HYDIN: variants seen among roughly 807,000 people sequenced by gnomAD.
The protein encoded by HYDIN is HYDIN axonemal central pair apparatus protein.
Under a neutral mutation model 403.9 loss-of-function variants are expected in HYDIN, and 132 were observed. The observed-to-expected ratio is 0.33, with a 90% CI of 0.28 to 0.38. HYDIN has a LOEUF of 0.38. Among genes scored for constraint, HYDIN ranks in the 10% least tolerant of loss-of-function variants. The pLI, the probability that HYDIN is intolerant of heterozygous loss-of-function variation, is 1.00. For missense variants in HYDIN, 2,827 were observed against 5,009.5 expected, an observed-to-expected ratio of 0.56 and a Z score of 13.15; for synonymous variants, 1,202 against 1,891.7, an observed-to-expected ratio of 0.64 and a Z score of 9.46.
At chr16:71,150,679 A>T (rs963752771) in intron 7 of HYDIN, among the ~76,000 whole-genome samples, 5 of 151,964 alleles carry the variant, frequency 3.3e-5, no homozygotes, top group African/African-American at 1.2e-4. Flanking sequence ...AAAAAGTGTT[A>T]ATCTTGTAAG....
chr16:70,817,515 T>G (rs1325144785), intron 84 of HYDIN: 1 of 151,884 alleles, frequency 6.6e-6, no homozygotes, highest in Admixed American at 6.6e-5. Flanking sequence ...CAGAAGAGAG[T>G]TGATAGAATC....
intron 5 of HYDIN, among the ~76,000 whole-genome samples, chr16:71,164,990 T>C (rs4788782): frequency 1.4e-3 from 208 of 152,304 alleles, no homozygotes; most frequent in African/African-American, 4.8e-3. Flanking sequence ...ATCCAAACTG[T>C]AATCACTCTT....
intron 23 of HYDIN, among the ~76,000 whole-genome samples, chr16:70,995,074 A>G (rs543339005): frequency 6.6e-6 from 1 of 152,278 alleles, no homozygotes; most frequent in African/African-American, 2.4e-5. Flanking sequence ...CTGGAAATCA[A>G]TAGAGGAAGG....
chr16:71,042,804 G>C (rs2081329582), intron 18 of HYDIN, among the ~76,000 whole-genome samples: 1 of 152,120 alleles, frequency 6.6e-6, no homozygotes, highest in East Asian at 1.9e-4. Context: ...TCCTGGAGCT[G>C]CCTGTTCTCC....
chr16:70,972,799 C>G (rs901893096), intron 35 of HYDIN, among the ~76,000 whole-genome samples: 2 of 152,206 alleles, frequency 1.3e-5, no homozygotes, highest in Non-Finnish European at 2.9e-5. Flanking sequence ...GGGTCTGGGG[C>G]AGGTCCCCTG....
In HYDIN at chr16:71,129,645, G is replaced by A. The variant is rs372939352; in HGVS notation, c.1222C>T (p.Pro408Ser). ...GCTTTTATTTATATGCTCACCAGGG[G>A]CTCCACAGTGAAAACGTTATTGAAG... Reference protein sequence around the residue: ...LFFNNVFTVEPLEGDVWPNSS... With the variant: ...LFFNNVFTVESLEGDVWPNSS... The change falls in exon 9 of 86, where the codon CCC becomes TCC. Residue 408 changes from proline to serine, a missense_variant. Transcript: ENST00000393567. The A allele has an allele frequency of 1.9e-6, 3 of 1,613,182 alleles. No individual in the cohort carries two copies. Among genetic ancestry groups the A allele is most frequent in the African/African-American group, 2.7e-5 (2 of 74,878 alleles).
chr16:70,958,086 G>A (rs1294403971), intron 39 of HYDIN, among the ~76,000 whole-genome samples: 3 of 150,864 alleles, frequency 2.0e-5, no homozygotes, highest in Non-Finnish European at 4.4e-5. Context: ...AGATGTATAC[G>A]TTCCAAATGA....
At position 70,956,078 on chromosome 16, in the gene HYDIN, C is replaced by G. The variant is rs564952914; in HGVS notation, c.6143-530G>C. ...CAAATGATCCACCTGCCTTGGCCTC[C>G]CAAAGTGCTGGGATTACAGGTGTCA... On this transcript the variant is annotated intron_variant, in intron 39 of 85. Transcript: ENST00000393567. Among the ~76,000 whole-genome samples, 814 of 152,242 alleles carry G rather than the reference C, an allele frequency of 5.3e-3. 7 individuals carry two copies. Among genetic ancestry groups the G allele is most frequent in the Non-Finnish European group, 8.2e-3 (558 of 68,022 alleles).
chr16:71,055,098 T>C (rs1227159271), intron 18 of HYDIN, among the ~76,000 whole-genome samples: 5 of 152,298 alleles, frequency 3.3e-5, no homozygotes, highest in Admixed American at 6.5e-5. Flanking sequence ...TAAAGGGTCA[T>C]TTATGAACAT....
chr16:71,027,448 C>T (rs1195648536), intron 20 of HYDIN, 154 bp downstream of exon 20: 1 of 1,516,798 alleles, frequency 6.6e-7, no homozygotes, highest in East Asian at 2.5e-5. Flanking sequence ...ACCCCGAAAG[C>T]AACGGATGCT....
At chr16:71,112,145 G>A (rs2083860526) in intron 10 of HYDIN, among the ~76,000 whole-genome samples, 1 of 151,494 alleles carries the variant, frequency 6.6e-6, no homozygotes, top group African/African-American at 2.4e-5. Flanking sequence ...AGTGTTCTGA[G>A]GAGAAATGAT....
At chr16:70,809,713 C>T in intron 85 of HYDIN, 70 bp downstream of exon 85, 9 of 1,202,822 alleles carry the variant, frequency 7.5e-6, no homozygotes, top group Non-Finnish European at 1.1e-5. Context: ...CTCCCTGTGT[C>T]TCCTCTCATT....
intron 16 of HYDIN, among the ~76,000 whole-genome samples, chr16:71,064,061 G>T (rs2082177700): frequency 7.8e-6 from 1 of 127,662 alleles, no homozygotes; most frequent in Non-Finnish European, 1.8e-5. Flanking sequence ...ATTTTAGTTA[G>T]AATATTGTAA....
chr16:70,941,534 A>C (rs1205156222), intron 43 of HYDIN, 102 bp downstream of exon 43: 5 of 887,990 alleles, frequency 5.6e-6, no homozygotes, highest in Non-Finnish European at 8.1e-6. Context: ...AGCAAAGCAG[A>C]AATACAACTC....
At chr16:71,062,643 G>T in intron 16 of HYDIN, 1 of 227,072 alleles carries the variant, frequency 4.4e-6, no homozygotes, top group Non-Finnish European at 8.7e-6. Context: ...CACTTTCCAA[G>T]TTCCTTAACC....
At chr16:71,196,277 T>C (rs898429463) in intron 1 of HYDIN, among the ~76,000 whole-genome samples, 4 of 152,202 alleles carry the variant, frequency 2.6e-5, no homozygotes, top group African/African-American at 9.6e-5. Flanking sequence ...TGGAAGAGAT[T>C]AGCATTTGAA....
intron 12 of HYDIN, chr16:71,087,813 AC>A (rs1350881033): frequency 2.6e-5 from 4 of 153,000 alleles, no homozygotes; most frequent in Non-Finnish European, 5.8e-5. Context: ...ATGGTAATTA[AC>A]AACCTGCTGC....
intron 65 of HYDIN, among the ~76,000 whole-genome samples, chr16:70,871,306 C>T (rs1774501): frequency 2.0e-5 from 3 of 152,134 alleles, no homozygotes; most frequent in African/African-American, 7.2e-5. Flanking sequence ...CCATCCCCCT[C>T]GAGTACTGTG....
At chr16:70,854,373 T>A (rs2038879141) in intron 73 of HYDIN, among the ~76,000 whole-genome samples, 1 of 149,636 alleles carries the variant, frequency 6.7e-6, no homozygotes, top group African/African-American at 2.5e-5. Flanking sequence ...TAGCTGGGAT[T>A]ACAGGTGTGT....
Sources: allele counts gnomAD v4.1 joint callset (sites outside exome capture counted in the v4.1 genomes callset), GRCh38; gene constraint gnomAD v4.1.1; transcripts MANE v1.5; gene names NCBI Gene and HGNC (gene_info 2026-07-23, HGNC 2026-07-21).